CAPN1: variants seen among roughly 807,000 people sequenced by gnomAD.
CAPN1 encodes the protein calpain-1 catalytic subunit.
A neutral mutation model predicts 105.2 loss-of-function variants in CAPN1; 77 were observed. That is an observed-to-expected ratio of 0.73 (90% CI 0.61 to 0.88). CAPN1 has a LOEUF of 0.88. Ranked by LOEUF, CAPN1 falls within the 40% of genes least tolerant of loss-of-function variation. The pLI, the probability that CAPN1 is intolerant of heterozygous loss-of-function variation, is 0.00. For missense variants in CAPN1, 833 were observed against 976.6 expected (o/e 0.85, Z 1.96); for synonymous variants, 355 against 388.8 (o/e 0.91, Z 1.02).
Position 65,187,286 on chromosome 11 carries a change from C to T in CAPN1, c.831C>T (p.Thr277=), listed in dbSNP as rs543604179. 5.5e-5 allele frequency: 89 copies of T among 1,612,192 alleles called. No homozygotes were observed. Among genetic ancestry groups the T allele is most frequent in the Admixed American group, 1.5e-4 (9 of 59,818 alleles). Reference sequence around the variant, plus strand: ...TGAAGGGCCATGCCTACTCTGTGACCGGGGCCAAGCAGGTACTGCCCTGGG... The same window carrying T: ...TGAAGGGCCATGCCTACTCTGTGACTGGGGCCAAGCAGGTACTGCCCTGGG... ...KLVKGHAYSV[T]GAKQVNYRGQ... is the part of the protein sequence containing the mutation. Residue 277 remains threonine, a synonymous_variant, in exon 7 of 22, where the codon ACC becomes ACT. Coordinates refer to ENST00000279247, the MANE Select transcript of CAPN1 (RefSeq NM_005186.4).
In CAPN1 at chr11:65,210,880, C is replaced by G. The variant is rs375247099; in HGVS notation, c.2118+8C>G. On this transcript the variant is annotated splice_region_variant and intron_variant, in intron 21 of 21. Coordinates refer to ENST00000279247, the MANE Select transcript of CAPN1 (RefSeq NM_005186.4). The surrounding 1 kb of genome is among the most constrained non-coding windows in gnomAD (Gnocchi z 4.3). ...ACCTTTGACTTGTTTAAGGTGGGAA[C>G]CTCCCTGGGCCCATGGTTGGGGAAG... The G allele has an allele frequency of 3.7e-6, 6 of 1,608,024 alleles. No homozygotes were observed. The African/African-American group carries it at 8.0e-5, about 22-fold the overall frequency.
Position 65,182,978 on chromosome 11 carries a change from G to A in CAPN1, c.267+10G>A. 6.2e-7 allele frequency: 1 copy of A among 1,613,020 alleles called. No individual in the cohort carries two copies. The highest frequency in any genetic ancestry group is 8.5e-7 in the Non-Finnish European group (1 of 1,179,562). The stretch of plus-strand genomic sequence containing the variant: ...GTGGAAGCGTCCCACGGTGAGAGGG[G>A]CCATCCTGGGTGGGACTCGGCTAAG... On this transcript the variant is annotated intron_variant, in intron 2 of 21. Transcript: ENST00000279247.
Position 65,188,398 on chromosome 11 carries a change from G to A in CAPN1, c.930-16G>A, listed in dbSNP as rs1948668769. On this transcript the variant is annotated splice_polypyrimidine_tract_variant and intron_variant, in intron 8 of 21. Transcript: ENST00000279247. This position sits in a 1 kb window ranked among gnomAD's most constrained non-coding sequence, Gnocchi z 5.5. ...GTCAGTGCCCACCAGCCCTGGCAGA[G>A]CCCTGCTCCTCACAGCTCCTCAGAG... 1.2e-6 allele frequency: 2 copies of A among 1,603,672 alleles called. No homozygotes were observed. The highest frequency in any genetic ancestry group is 8.5e-7 in the Non-Finnish European group (1 of 1,175,208).
At chr11:65,182,511 C>A in intron 1 of CAPN1, 190 bp from the exon 2 acceptor site, 2 of 593,654 alleles carry the variant, frequency 3.4e-6, no homozygotes, top group Non-Finnish European at 2.8e-6. Context: ...CTGGGAAATC[C>A]CTTTCCTGGA....
At position 65,188,420 on chromosome 11, in the gene CAPN1, A is replaced by G; in HGVS notation, c.936A>G (p.Ser312=). The G allele has an allele frequency of 6.2e-7, 1 of 1,611,444 alleles. No homozygotes were observed. Among genetic ancestry groups the G allele is most frequent in the Non-Finnish European group, 8.5e-7 (1 of 1,178,848 alleles). Residue 312 remains serine, a synonymous_variant, in exon 9 of 22, where the codon TCA becomes TCG. Coordinates refer to ENST00000279247, the MANE Select transcript of CAPN1 (RefSeq NM_005186.4). This position sits in a 1 kb window ranked among gnomAD's most constrained non-coding sequence, Gnocchi z 5.5. ...AGAGCCCTGCTCCTCACAGCTCCTC[A>G]GAGTGGAACAACGTGGACCCATATG... ...EWTGAWSDSS[S]EWNNVDPYER...
intron 2 of CAPN1, 66 bp from the exon 3 acceptor site, chr11:65,183,062 T>C: frequency 6.2e-7 from 1 of 1,609,162 alleles, no homozygotes; most frequent in Non-Finnish European, 8.5e-7. Flanking sequence ...GAATGGGGTC[T>C]GGGGTGGCCT....
At chr11:65,197,695 T>A (rs1333014054) in intron 10 of CAPN1, among the ~76,000 whole-genome samples, 1 of 152,050 alleles carries the variant, frequency 6.6e-6, no homozygotes, top group Non-Finnish European at 1.5e-5. Flanking sequence ...GAGACCAGCC[T>A]GGCCAACATG....
rs985584291 is a variant in CAPN1, at chr11:65,188,735, G to A, written c.1154G>A (p.Arg385Gln). 21 of 1,570,248 alleles carry A rather than the reference G, an allele frequency of 1.3e-5. No individual in the cohort carries two copies. Among genetic ancestry groups the A allele is most frequent in the East Asian group, 2.4e-5 (1 of 41,866 alleles). ...WRRGSTAGGC[R>Q]NYPATFWVNP... ...CGGGGGAGCACCGCGGGGGGCTGCC[G>A]AAACTACCCAGGTGCACAGGGGCGG... Residue 385 changes from arginine (R) to glutamine (Q), a missense_variant, in exon 10 of 22, where the codon CGA becomes CAA. Physicochemically the swap from Arg to Gln is conservative, Grantham distance 43. Transcript: ENST00000279247. This position sits in a 1 kb window ranked among gnomAD's most constrained non-coding sequence, Gnocchi z 5.5.
rs78742312 is a variant in CAPN1 at position 65,209,360 on chromosome 11, G to A, written c.1767G>A (p.Ser589=). 1,931 of 1,613,796 alleles carry A rather than the reference G, an allele frequency of 1.2e-3. 13 individuals carry two copies. In the African/African-American group the frequency reaches 0.019, roughly 16 times the overall value. ...DLRTKGFSLE[S]CRSMVNLMDR... The stretch of plus-strand genomic sequence containing the variant: ...GGACCAAGGGCTTCAGCCTAGAGTC[G>A]TGCCGCAGCATGGTGAACCTCATGG... Residue 589 remains serine (S), a synonymous_variant, in exon 17 of 22, where the codon TCG becomes TCA. Coordinates refer to ENST00000279247, the MANE Select transcript of CAPN1 (RefSeq NM_005186.4). This position sits in a 1 kb window ranked among gnomAD's most constrained non-coding sequence, Gnocchi z 4.1.
At chr11:65,182,662 G>A (rs1948556892) in intron 1 of CAPN1, 39 bp from the exon 2 acceptor site, 2 of 1,475,120 alleles carry the variant, frequency 1.4e-6, no homozygotes, top group African/African-American at 1.4e-5. Flanking sequence ...TCTAGTCTTG[G>A]GAAGGCCTGG....
chr11:65,188,645 C>T lies in CAPN1; in HGVS notation c.1064C>T (p.Pro355Leu), dbSNP rs907269710. Reference sequence around the variant, plus strand: ...CGCCTGGAGATCTGCAACCTCACACCCGACGCCCTCAAGAGCCGGACCATC... The same window carrying T: ...CGCCTGGAGATCTGCAACCTCACACTCGACGCCCTCAAGAGCCGGACCATC... ...FTRLEICNLT[P>L]DALKSRTIRK... is the part of the protein sequence containing the mutation. The change falls in exon 10 of 22, where the codon CCC becomes CTC. Residue 355 changes from proline (P) to leucine (L), a missense_variant. By Grantham distance (98) the Pro-to-Leu change is moderately conservative. Transcript: ENST00000279247. This position sits in a 1 kb window ranked among gnomAD's most constrained non-coding sequence, Gnocchi z 5.5. 6.2e-7 allele frequency: 1 copy of T among 1,613,990 alleles called. No individual in the cohort carries two copies. Among genetic ancestry groups the T allele is most frequent in the Non-Finnish European group, 8.5e-7 (1 of 1,179,880 alleles).
At position 65,210,206 on chromosome 11, in the gene CAPN1, A is replaced by G; in HGVS notation, c.1942+110A>G. 1.7e-6 allele frequency: 2 copies of G among 1,161,148 alleles called. No individual in the cohort carries two copies. Among genetic ancestry groups the G allele is most frequent in the Non-Finnish European group, 2.6e-6 (2 of 778,908 alleles). 71.9% of individuals were successfully genotyped at this position (1,161,148 alleles called of 1,614,324 possible). ...TGCTAGTGGTGACATGGTAACAGCCATCTTGTCCTTTTCCCCACGGTTACT... is the reference window on the plus strand; with the variant it reads ...TGCTAGTGGTGACATGGTAACAGCCGTCTTGTCCTTTTCCCCACGGTTACT... On this transcript the variant is annotated intron_variant, in intron 19 of 21. Transcript: ENST00000279247. This position sits in a 1 kb window ranked among gnomAD's most constrained non-coding sequence, Gnocchi z 4.3.
At position 65,206,820 on chromosome 11, in the gene CAPN1, G is replaced by A; in HGVS notation, c.1605+1G>A. The A allele has an allele frequency of 1.9e-6, 3 of 1,611,538 alleles. No homozygotes were observed. Among genetic ancestry groups the A allele is most frequent in the Non-Finnish European group, 2.5e-6 (3 of 1,179,014 alleles). ...GATCCAGGCCAATCTCCCCGATGAG[G>A]TGCGTGGTCCCACCCCACCAGGCCC... On this transcript the variant is annotated splice_donor_variant, in intron 14 of 21. Coordinates refer to ENST00000279247, the MANE Select transcript of CAPN1 (RefSeq NM_005186.4). LOFTEE classifies it high-confidence loss of function.
Position 65,210,194 on chromosome 11 carries a change from A to T in CAPN1, c.1942+98A>T. The T allele has an allele frequency of 8.4e-7, 1 of 1,185,866 alleles. No individual in the cohort carries two copies. The highest frequency in any genetic ancestry group is 1.2e-5 in the South Asian group (1 of 80,816). 73.5% of individuals were successfully genotyped at this position (1,185,866 alleles called of 1,614,324 possible). On this transcript the variant is annotated intron_variant, in intron 19 of 21. Transcript: ENST00000279247. This position sits in a 1 kb window ranked among gnomAD's most constrained non-coding sequence, Gnocchi z 4.3. ...TTGTCCCTGGGGTGCTAGTGGTGAC[A>T]TGGTAACAGCCATCTTGTCCTTTTC... is the stretch of plus-strand genomic sequence containing the variant.
chr11:65,208,922 C>T lies in CAPN1; in HGVS notation c.1730-401C>T, dbSNP rs1296220004. 2 of 265,670 alleles carry T rather than the reference C, an allele frequency of 7.5e-6. No individual in the cohort carries two copies. The highest frequency in any genetic ancestry group is 1.5e-5 in the Non-Finnish European group (2 of 134,568). 16.5% of individuals were successfully genotyped at this position (265,670 alleles called of 1,614,324 possible). A position where few individuals can be genotyped will look rare whatever the true frequency, so the allele number is the denominator to read the frequency against. On this transcript the variant is annotated intron_variant, in intron 16 of 21. Transcript: ENST00000279247. This position sits in a 1 kb window ranked among gnomAD's most constrained non-coding sequence, Gnocchi z 4.1. Reference sequence around the variant, plus strand: ...GGGCAGACAACTGCTGGCCTCTCATCCCCTCCCCTCCCCTTTGCTGCCACT... The same window carrying T: ...GGGCAGACAACTGCTGGCCTCTCATTCCCTCCCCTCCCCTTTGCTGCCACT...
rs778077181 is a variant in CAPN1 at position 65,188,551 on chromosome 11, C to T, written c.1005-35C>T. 1.5e-5 allele frequency: 25 copies of T among 1,613,572 alleles called. No homozygotes were observed. The East Asian group carries it at 2.5e-4, about 16-fold the overall frequency. ...CCTACACATCAGCTCTGTGCCCTGA[C>T]GGGCTGTGCCTCACCTGTGTACCTC... On this transcript the variant is annotated intron_variant, in intron 9 of 21. Coordinates refer to ENST00000279247, the MANE Select transcript of CAPN1 (RefSeq NM_005186.4). This position sits in a 1 kb window ranked among gnomAD's most constrained non-coding sequence, Gnocchi z 5.5.
chr11:65,187,612 T>C, intron 7 of CAPN1: 1 of 482,024 alleles, frequency 2.1e-6, no homozygotes, highest in Non-Finnish European at 3.8e-6. Flanking sequence ...ATGGGCCAGG[T>C]GCACTGGCTC....
chr11:65,199,341 C>A (rs1023501481), intron 10 of CAPN1, among the ~76,000 whole-genome samples: 6 of 152,152 alleles, frequency 3.9e-5, no homozygotes, highest in Admixed American at 2.0e-4. Context: ...AGTCTGTCTA[C>A]CTTGCCTTCT....
Position 65,208,064 on chromosome 11 carries a change from T to G in CAPN1, c.1615T>G (p.Ser539Ala), listed in dbSNP as rs777253157. The change falls in exon 15 of 22, where the codon TCA becomes GCA. Residue 539 changes from serine to alanine, a missense_variant. Ser to Ala is a moderately conservative substitution (Grantham distance 99). Transcript: ENST00000279247. This position sits in a 1 kb window ranked among gnomAD's most constrained non-coding sequence, Gnocchi z 4.1. Reference sequence around the variant, plus strand: ...CCCCTTCTCGGTCCAGCAAGTGCTCTCAGAAGAGGAGATTGACGAGAACTT... The same window carrying G: ...CCCCTTCTCGGTCCAGCAAGTGCTCGCAGAAGAGGAGATTGACGAGAACTT... ...QANLPDEQVLSEEEIDENFKA... is the reference protein window; with the variant it reads ...QANLPDEQVLAEEEIDENFKA... 3 of 1,598,550 alleles carry G rather than the reference T, an allele frequency of 1.9e-6. No homozygotes were observed. The Admixed American group carries it at 5.2e-5, about 28-fold the overall frequency.
Sources: gnomAD v4.1 joint callset for allele counts (sites outside exome capture counted in the v4.1 genomes callset) on GRCh38, gnomAD v4.1.1 for gene constraint, Gnocchi (gnomAD v3.1) non-coding constraint, MANE v1.5 for transcripts, NCBI Gene and HGNC (gene_info 2026-07-23, HGNC 2026-07-21) for gene names.